TTC23: variants seen among roughly 807,000 people sequenced by gnomAD.
TTC23 encodes tetratricopeptide repeat domain 23, also known as tetratricopeptide repeat protein 23.
TTC23 carries 58 observed loss-of-function variants against 55.1 expected under a neutral mutation model. That is an observed-to-expected ratio of 1.05 (90% CI 0.85 to 1.31). TTC23 has a LOEUF of 1.31. TTC23 is among the 50% of genes most tolerant of loss of function. The probability of loss-of-function intolerance (pLI) is 0.00; values close to 1 mark genes in which losing one functional copy is unlikely to be tolerated. For missense variants in TTC23, 516 were observed against 534.4 expected, an observed-to-expected ratio of 0.97 and a Z score of 0.34; for synonymous variants, 203 against 199.9, an observed-to-expected ratio of 1.02 and a Z score of -0.13.
chr15:99,220,804 CTT>C (rs967333263), intron 6 of TTC23, among the ~76,000 whole-genome samples: 1 of 152,186 alleles, frequency 6.6e-6, no homozygotes, highest in Non-Finnish European at 1.5e-5. Flanking sequence ...CAGAGATGCT[CTT>C]GTCCATCTTG....
At chr15:99,176,102 C>G (rs1303934561) in intron 9 of TTC23, among the ~76,000 whole-genome samples, 1 of 152,202 alleles carries the variant, frequency 6.6e-6, no homozygotes, top group Non-Finnish European at 1.5e-5. Context: ...TAAAAAGTAA[C>G]TACTCAACTC....
At chr15:99,160,401 AACAAT>A (rs1455797505) in intron 11 of TTC23, 1 of 152,226 alleles carries the variant, frequency 6.6e-6, no homozygotes, top group Admixed American at 6.5e-5. Flanking sequence ...CAATAAAAAT[AACAAT>A]ACAACAATAA....
In TTC23 at chr15:99,175,686, G is replaced by A. The variant is rs561788204; in HGVS notation, c.760-531C>T. Among the ~76,000 whole-genome samples, 47 of 152,318 alleles carry A rather than the reference G, an allele frequency of 3.1e-4. No homozygotes were observed. In the South Asian group the frequency reaches 9.5e-3, roughly 31 times the overall value. ...AGCACAGAAAGCAGCTCAGTTCCTTGAAAATAAAGTCCACTAAAATGTTGT... is the reference window on the plus strand; with the variant it reads ...AGCACAGAAAGCAGCTCAGTTCCTTAAAAATAAAGTCCACTAAAATGTTGT... On this transcript the variant is annotated intron_variant, in intron 9 of 13. Transcript: ENST00000394132.
chr15:99,213,802 TTTAGGCTGTTTCCAACTC>T (rs1440856566), intron 8 of TTC23, among the ~76,000 whole-genome samples: 1 of 152,240 alleles, frequency 6.6e-6, no homozygotes, highest in Non-Finnish European at 1.5e-5. Flanking sequence ...TTGGTGAACA[TTTAGGCTGTTTCCAACTC>T]TTGGCTATTA....
upstream of TTC23, chr15:99,249,650 C>T (rs932500430): frequency 6.6e-6 from 1 of 152,066 alleles, no homozygotes; most frequent in Non-Finnish European, 1.5e-5. Flanking sequence ...AGTATTTTGT[C>T]GAAGTTTGCA....
intron 9 of TTC23, among the ~76,000 whole-genome samples, chr15:99,187,969 G>T (rs948262184): frequency 1.3e-5 from 2 of 151,970 alleles, no homozygotes; most frequent in Non-Finnish European, 1.5e-5. Flanking sequence ...GTTACCATAT[G>T]ATTCAGCAAT....
At chr15:99,215,764 A>C (rs1382296377) in intron 8 of TTC23, among the ~76,000 whole-genome samples, 2 of 152,246 alleles carry the variant, frequency 1.3e-5, no homozygotes, top group East Asian at 3.9e-4. Flanking sequence ...GAAAAGAAGA[A>C]AGAAAATAAA....
At chr15:99,139,650 T>C in intron 12 of TTC23, 1 of 1,464,200 alleles carries the variant, frequency 6.8e-7, no homozygotes, top group Non-Finnish European at 9.1e-7. Context: ...AAAATAGATT[T>C]AAAAGTAGTA....
intron 3 of TTC23, among the ~76,000 whole-genome samples, chr15:99,239,611 T>C (rs1269686513): frequency 6.6e-6 from 1 of 152,190 alleles, no homozygotes; most frequent in Non-Finnish European, 1.5e-5. Flanking sequence ...ACAGTGCTAT[T>C]TGAGATCCTA....
At chr15:99,196,177 G>C (rs2075692901) in intron 9 of TTC23, among the ~76,000 whole-genome samples, 1 of 150,198 alleles carries the variant, frequency 6.7e-6, no homozygotes, top group South Asian at 2.1e-4. Context: ...AAGTTTGAGA[G>C]ATATGGGTTA....
At chr15:99,178,496 T>C (rs897483991) in intron 9 of TTC23, among the ~76,000 whole-genome samples, 5 of 152,244 alleles carry the variant, frequency 3.3e-5, no homozygotes, top group African/African-American at 1.2e-4. Context: ...ATTCAACTTA[T>C]GTTCATTTTT....
At chr15:99,156,345 T>C in intron 11 of TTC23, 48 bp from the exon 12 acceptor site, 2 of 1,599,982 alleles carry the variant, frequency 1.3e-6, no homozygotes, top group Non-Finnish European at 1.7e-6. Flanking sequence ...CAAAGGCTGA[T>C]TAGGATCATT....
intron 10 of TTC23, 109 bp from the exon 11 acceptor site, chr15:99,161,976 A>T: frequency 8.5e-7 from 1 of 1,176,240 alleles, no homozygotes; most frequent in Non-Finnish European, 1.1e-6. Flanking sequence ...AGGTATTGGG[A>T]CAAGAAAAAA....
chr15:99,203,899 T>A (rs1224562210), intron 8 of TTC23, among the ~76,000 whole-genome samples: 1 of 152,192 alleles, frequency 6.6e-6, no homozygotes, highest in African/African-American at 2.4e-5. Flanking sequence ...CATCCACTGA[T>A]TGACACTTAT....
chr15:99,194,552 C>CAAAAAAAAA (rs760038465), intron 9 of TTC23, among the ~76,000 whole-genome samples: 5 of 40,470 alleles, frequency 1.2e-4, no homozygotes, highest in Admixed American at 2.6e-4. Flanking sequence ...ACATCACGTG[C>CAAAAAAAAA]AAAAAAAAAA....
intron 8 of TTC23, among the ~76,000 whole-genome samples, chr15:99,211,333 C>A (rs2077020766): frequency 6.6e-6 from 1 of 152,006 alleles, no homozygotes; most frequent in Non-Finnish European, 1.5e-5. Context: ...CAAGATCACG[C>A]CACTGCACTC....
intron 3 of TTC23, among the ~76,000 whole-genome samples, chr15:99,240,118 A>G (rs1288887600): frequency 6.6e-6 from 1 of 152,234 alleles, no homozygotes; most frequent in African/African-American, 2.4e-5. Flanking sequence ...ATAAACAGGA[A>G]TGCAACATCT....
At chr15:99,182,246 T>TCACACACA (rs757303435) in intron 9 of TTC23, among the ~76,000 whole-genome samples, 122 of 112,810 alleles carry the variant, frequency 1.1e-3, no homozygotes, top group South Asian at 2.1e-3. Context: ...TCTCTCTCTC[T>TCACACACA]CTCACACACA....
chr15:99,218,842 T>C, intron 7 of TTC23, 56 bp downstream of exon 7: 1 of 1,598,030 alleles, frequency 6.3e-7, no homozygotes, highest in Non-Finnish European at 8.5e-7. Context: ...TTACTTGGCG[T>C]GTAAGTGTTA....
Sources: gnomAD v4.1 joint callset for allele counts (sites outside exome capture counted in the v4.1 genomes callset) on GRCh38, gnomAD v4.1.1 for gene constraint, MANE v1.5 for transcripts, NCBI Gene and HGNC (gene_info 2026-07-23, HGNC 2026-07-21) for gene names.